Variants in DCC observed in about 807,000 individuals in gnomAD.
DCC encodes DCC netrin 1 receptor.
A neutral mutation model predicts 172.5 loss-of-function variants in DCC; 58 were observed. The observed-to-expected ratio is 0.34, with a 90% CI of 0.27 to 0.42. The LOEUF (loss-of-function observed/expected upper bound fraction) is 0.42. Ranked by LOEUF, DCC falls within the 10% of genes least tolerant of loss-of-function variation. The pLI is 1.00. For synonymous variants in DCC, 709 were observed against 644.5 expected (o/e 1.10, Z -1.52); for missense variants, 1,740 against 1,791.0 (o/e 0.97, Z 0.51).
chr18:52,803,854 GC>G (rs2038038387), intron 2 of DCC, among the ~76,000 whole-genome samples: 1 of 152,168 alleles, frequency 6.6e-6, no homozygotes, highest in Non-Finnish European at 1.5e-5. Flanking sequence ...CTAAGTAAAT[GC>G]CAGCATTTTA....
Position 53,304,116 on chromosome 18 carries a change from G to C in DCC, c.1912-1462G>C, listed in dbSNP as rs58020751. Among the ~76,000 whole-genome samples the C allele has an allele frequency of 1.4e-3, 217 of 152,168 alleles. 1 individual carries two copies. Among genetic ancestry groups the C allele is most frequent in the African/African-American group, 5.0e-3 (209 of 41,510 alleles). ...TGTTCCTCTCCTCTTCTGCTAGTCT[G>C]CTCATTTGCTTGTGGAGCCTGGGGT... On this transcript the variant is annotated intron_variant, in intron 12 of 28. Transcript: ENST00000442544.
At chr18:53,525,052 A>ATAGT (rs2046439984) in intron 27 of DCC, among the ~76,000 whole-genome samples, 1 of 152,072 alleles carries the variant, frequency 6.6e-6, no homozygotes, top group Non-Finnish European at 1.5e-5. Context: ...CACAGCGTGA[A>ATAGT]TAGTTAGCCC....
intron 1 of DCC, among the ~76,000 whole-genome samples, chr18:52,724,650 TG>T (rs2145082940): frequency 6.6e-6 from 1 of 152,320 alleles, no homozygotes; most frequent in African/African-American, 2.4e-5. Context: ...GGTTATTTTT[TG>T]TCCTTTGGCA....
intron 1 of DCC, among the ~76,000 whole-genome samples, chr18:52,719,612 A>AC (rs111550976): frequency 1.1e-3 from 164 of 150,182 alleles, no homozygotes; most frequent in African/African-American, 3.0e-3. Flanking sequence ...CTAAGGAACA[A>AC]AAAAAAAAAA....
At chr18:52,525,143 C>G (rs2031943206) in intron 1 of DCC, among the ~76,000 whole-genome samples, 1 of 151,926 alleles carries the variant, frequency 6.6e-6, no homozygotes, top group Admixed American at 6.6e-5. Flanking sequence ...TTTAAGTGCA[C>G]ATTTCCATCC....
intron 5 of DCC, among the ~76,000 whole-genome samples, chr18:52,974,010 T>C (rs1262531385): frequency 6.6e-6 from 1 of 152,114 alleles, no homozygotes; most frequent in African/African-American, 2.4e-5. Flanking sequence ...TTATAATGGG[T>C]ACAGAAGATA....
intron 15 of DCC, among the ~76,000 whole-genome samples, chr18:53,358,889 A>T (rs2057912475): frequency 1.3e-5 from 2 of 152,184 alleles, no homozygotes; most frequent in South Asian, 2.1e-4. Flanking sequence ...TTATTTCATG[A>T]AAAGAATAAG....
At chr18:52,960,681 T>C (rs1380252078) in intron 5 of DCC, among the ~76,000 whole-genome samples, 1 of 152,122 alleles carries the variant, frequency 6.6e-6, no homozygotes, top group Non-Finnish European at 1.5e-5. Flanking sequence ...TTGTACTCTT[T>C]ACTGACTTCA....
chr18:52,751,462 C>T (rs112244776), intron 1 of DCC, among the ~76,000 whole-genome samples: 238 of 152,262 alleles, frequency 1.6e-3, no homozygotes, highest in African/African-American at 5.4e-3. Context: ...AATTAAGACC[C>T]TTCAGGGATT....
intron 9 of DCC, among the ~76,000 whole-genome samples, chr18:53,179,631 T>A (rs1172369641): frequency 6.6e-6 from 1 of 152,164 alleles, no homozygotes; most frequent in Non-Finnish European, 1.5e-5. Flanking sequence ...TCTCACTCCC[T>A]CTACCTTGAA....
At chr18:53,397,209 A>G (rs1302571870) in intron 17 of DCC, 99 bp from the exon 18 acceptor site, 2 of 1,099,566 alleles carry the variant, frequency 1.8e-6, no homozygotes, top group African/African-American at 3.1e-5. Context: ...GGAGTAGATT[A>G]CTTTTGTGTT....
At chr18:53,240,026 T>TAAAAAAA (rs68158437) in intron 12 of DCC, among the ~76,000 whole-genome samples, 32 of 68,978 alleles carry the variant, frequency 4.6e-4, no homozygotes, top group African/African-American at 1.0e-3. Flanking sequence ...GTTCTAGAGT[T>TAAAAAAA]AAAAAAAAAA....
At chr18:52,948,381 CATT>C (rs1429181865) in intron 5 of DCC, among the ~76,000 whole-genome samples, 3 of 151,986 alleles carry the variant, frequency 2.0e-5, no homozygotes, top group African/African-American at 2.4e-5. Context: ...GAGCTTCTAT[CATT>C]ATGAATGATA....
At chr18:52,885,693 C>G (rs1287896173) in intron 2 of DCC, among the ~76,000 whole-genome samples, 1 of 151,936 alleles carries the variant, frequency 6.6e-6, no homozygotes, top group Non-Finnish European at 1.5e-5. Context: ...GACAAAGTCC[C>G]CTTTACTTTT....
chr18:53,133,783 C>G (rs1214857607), intron 7 of DCC, among the ~76,000 whole-genome samples: 1 of 152,128 alleles, frequency 6.6e-6, no homozygotes, highest in Admixed American at 6.6e-5. Flanking sequence ...AATAGGAAAC[C>G]ACTCAAGAGA....
chr18:53,082,662 T>G (rs2042823202), intron 7 of DCC, among the ~76,000 whole-genome samples: 1 of 152,188 alleles, frequency 6.6e-6, no homozygotes, highest in Non-Finnish European at 1.5e-5. Context: ...GTTTTAAATC[T>G]ATTTACTAGC....
chr18:53,074,326 A>G (rs185497086), intron 7 of DCC, among the ~76,000 whole-genome samples: 2 of 152,320 alleles, frequency 1.3e-5, no homozygotes, highest in Admixed American at 1.3e-4. Flanking sequence ...ACAAACAGAG[A>G]TGCTCGTTAA....
intron 9 of DCC, among the ~76,000 whole-genome samples, chr18:53,181,325 G>C (rs1249565887): frequency 6.6e-6 from 1 of 151,672 alleles, no homozygotes; most frequent in Admixed American, 6.6e-5. Flanking sequence ...TTGTAAGAAT[G>C]AGCATTTTTT....
chr18:53,272,177 T>C (rs2056756707), intron 12 of DCC, among the ~76,000 whole-genome samples: 1 of 152,150 alleles, frequency 6.6e-6, no homozygotes, highest in African/African-American at 2.4e-5. Context: ...TGAGTCCTTT[T>C]AGTACATGTC....
Sources: allele counts gnomAD v4.1 joint callset (sites outside exome capture counted in the v4.1 genomes callset), GRCh38; gene constraint gnomAD v4.1.1; transcripts MANE v1.5; gene names NCBI Gene and HGNC (gene_info 2026-07-23, HGNC 2026-07-21).